The following GRID2 variants were observed in gnomAD, a reference collection of about 807,000 sequenced individuals.
The protein encoded by GRID2 is glutamate receptor ionotropic, delta-2.
Under a neutral mutation model 114.8 loss-of-function variants are expected in GRID2, and 33 were observed. The ratio of observed to expected loss-of-function variants is 0.29; its 90% confidence interval spans 0.22 to 0.38. The LOEUF (loss-of-function observed/expected upper bound fraction) is 0.38. Among genes scored for constraint, GRID2 ranks in the 10% least tolerant of loss-of-function variants. The pLI, the probability that GRID2 is intolerant of heterozygous loss-of-function variation, is 1.00. For missense variants in GRID2, 1,184 were observed against 1,257.7 expected (o/e 0.94, Z 0.89); for synonymous variants, 505 against 449.9 (o/e 1.12, Z -1.55).
intron 13 of GRID2, among the ~76,000 whole-genome samples, chr4:93,521,947 T>C (rs575540325): frequency 1.1e-3 from 174 of 152,204 alleles, no homozygotes; most frequent in African/African-American, 4.1e-3. Flanking sequence ...TGGAGTAGGA[T>C]GTCAGGTTTG....
chr4:92,456,654 A>C (rs2149083732), intron 1 of GRID2, among the ~76,000 whole-genome samples: 1 of 152,264 alleles, frequency 6.6e-6, no homozygotes, highest in Admixed American at 6.5e-5. Context: ...TAATCTATGT[A>C]TCACTTTTGG....
chr4:93,713,255 C>T (rs962211068), intron 14 of GRID2, among the ~76,000 whole-genome samples: 6 of 152,092 alleles, frequency 3.9e-5, no homozygotes, highest in Non-Finnish European at 8.8e-5. Context: ...CAGTTGCTCA[C>T]CTCTAGCCTA....
chr4:93,449,633 G>A (rs147309879), intron 10 of GRID2, among the ~76,000 whole-genome samples: 151 of 152,132 alleles, frequency 9.9e-4, no homozygotes, highest in African/African-American at 3.2e-3. Flanking sequence ...AGACAAACGT[G>A]GCTTGATGGC....
intron 2 of GRID2, among the ~76,000 whole-genome samples, chr4:93,041,231 G>A (rs1260536655): frequency 6.6e-6 from 1 of 152,078 alleles, no homozygotes; most frequent in Non-Finnish European, 1.5e-5. Flanking sequence ...GGAGAATCAG[G>A]TGAACTAAAT....
intron 13 of GRID2, among the ~76,000 whole-genome samples, chr4:93,616,107 G>C (rs1248106688): frequency 2.0e-5 from 3 of 151,966 alleles, no homozygotes; most frequent in Admixed American, 6.6e-5. Flanking sequence ...AAATCCTCAA[G>C]TTTTTCTGCA....
chr4:92,399,227 C>T (rs998692004), intron 1 of GRID2, among the ~76,000 whole-genome samples: 1 of 152,110 alleles, frequency 6.6e-6, no homozygotes, highest in East Asian at 1.9e-4. Context: ...AATAATAACC[C>T]CGAGGACAGT....
chr4:93,755,820 C>T (rs1286823656), intron 14 of GRID2, among the ~76,000 whole-genome samples: 1 of 152,182 alleles, frequency 6.6e-6, no homozygotes, highest in Non-Finnish European at 1.5e-5. Context: ...TTTGCCACAT[C>T]AAGTTATCAT....
chr4:92,577,497 A>G (rs1727953788), intron 1 of GRID2, among the ~76,000 whole-genome samples: 1 of 152,226 alleles, frequency 6.6e-6, no homozygotes, highest in South Asian at 2.1e-4. Flanking sequence ...TAGTCAAGTG[A>G]CAGTGATGAG....
At chr4:93,552,450 G>A (rs540168187) in intron 13 of GRID2, among the ~76,000 whole-genome samples, 12 of 152,112 alleles carry the variant, frequency 7.9e-5, no homozygotes, top group East Asian at 3.9e-4. Context: ...CTGAAGAATC[G>A]CCACACTGAC....
At chr4:92,927,076 G>C (rs555399173) in intron 2 of GRID2, among the ~76,000 whole-genome samples, 1 of 151,964 alleles carries the variant, frequency 6.6e-6, no homozygotes, top group Admixed American at 6.6e-5. Context: ...ATAATAAAAT[G>C]AGACAACATC....
At chr4:93,230,276 A>G (rs1579359156) in intron 7 of GRID2, among the ~76,000 whole-genome samples, 1 of 152,012 alleles carries the variant, frequency 6.6e-6, no homozygotes, top group Admixed American at 6.6e-5. Context: ...GACCTGATCA[A>G]CTTTCCAAAC....
At chr4:92,518,202 T>C (rs1464766503) in intron 1 of GRID2, among the ~76,000 whole-genome samples, 1 of 151,650 alleles carries the variant, frequency 6.6e-6, no homozygotes, top group Non-Finnish European at 1.5e-5. Flanking sequence ...AGATTTAGGC[T>C]CTTCAGTGGA....
At chr4:93,684,946 T>C (rs1725941340) in intron 14 of GRID2, among the ~76,000 whole-genome samples, 1 of 151,670 alleles carries the variant, frequency 6.6e-6, no homozygotes, top group Admixed American at 6.6e-5. Flanking sequence ...AATAGGTGAG[T>C]GGGGGTGGTA....
At chr4:92,749,612 A>G (rs1737341425) in intron 2 of GRID2, among the ~76,000 whole-genome samples, 1 of 151,980 alleles carries the variant, frequency 6.6e-6, no homozygotes, top group African/African-American at 2.4e-5. Context: ...TGTTTCCAAG[A>G]CAGTAGATGC....
At chr4:93,252,480 A>G (rs1338565842) in intron 8 of GRID2, among the ~76,000 whole-genome samples, 3 of 152,028 alleles carry the variant, frequency 2.0e-5, no homozygotes, top group Admixed American at 6.6e-5. Context: ...GTCCTGTTGT[A>G]TAGTTCAAAG....
intron 8 of GRID2, among the ~76,000 whole-genome samples, chr4:93,362,412 C>T (rs1277273436): frequency 6.6e-6 from 1 of 151,890 alleles, no homozygotes; most frequent in Non-Finnish European, 1.5e-5. Context: ...CCTACTCATC[C>T]TCCTCATGGC....
intron 1 of GRID2, among the ~76,000 whole-genome samples, chr4:92,487,870 A>AT (rs2149110770): frequency 6.6e-6 from 1 of 152,150 alleles, no homozygotes; most frequent in Non-Finnish European, 1.5e-5. Flanking sequence ...GAAATTCTTG[A>AT]TCATTTTCTG....
chr4:93,620,544 T>A (rs779973351), intron 13 of GRID2, among the ~76,000 whole-genome samples: 5 of 152,182 alleles, frequency 3.3e-5, no homozygotes, highest in Non-Finnish European at 5.9e-5. Flanking sequence ...ATGATGGAGA[T>A]GTCAGAACAG....
At position 92,954,187 on chromosome 4, in the gene GRID2, CTA is replaced by C. The variant is rs112111354; in HGVS notation, c.245-130806_245-130805del. 2.2e-3 allele frequency among the ~76,000 whole-genome samples: 334 copies of C among 151,568 alleles called. 1 individual carries two copies. Among genetic ancestry groups the C allele is most frequent in the Non-Finnish European group, 3.3e-3 (222 of 67,850 alleles). ...AATATATAAATATGAAAAAAGCATACTATGTGTGTGTGTGTATATATGTATAC... is the reference window on the plus strand; with the variant it reads ...AATATATAAATATGAAAAAAGCATACTGTGTGTGTGTGTATATATGTATAC... On this transcript the variant is annotated intron_variant, in intron 2 of 15. Transcript: ENST00000282020.
Sources: gnomAD v4.1 joint callset for allele counts (sites outside exome capture counted in the v4.1 genomes callset) on GRCh38, gnomAD v4.1.1 for gene constraint, MANE v1.5 for transcripts, NCBI Gene and HGNC (gene_info 2026-07-23, HGNC 2026-07-21) for gene names.